Variants in RBFOX1 observed in about 807,000 individuals in gnomAD.
RBFOX1 encodes RNA binding protein fox-1 homolog 1.
A neutral mutation model predicts 57.7 loss-of-function variants in RBFOX1; 8 were observed. The observed-to-expected ratio is 0.14, with a 90% CI of 0.08 to 0.25. The LOEUF is 0.25. Ranked by LOEUF, RBFOX1 falls within the 10% of genes least tolerant of loss-of-function variation. The pLI is 1.00. For missense variants in RBFOX1, 611 were observed against 548.5 expected, an observed-to-expected ratio of 1.11 and a Z score of -1.14; for synonymous variants, 326 against 222.4, an observed-to-expected ratio of 1.47 and a Z score of -4.15.
chr16:7,287,257 A>G (rs980697785), intron 4 of RBFOX1, among the ~76,000 whole-genome samples: 1 of 152,202 alleles, frequency 6.6e-6, no homozygotes, highest in Non-Finnish European at 1.5e-5. Flanking sequence ...TCATAATAAA[A>G]ATAGAAATGA....
At chr16:6,234,666 TAAG>T (rs2097491391) in intron 1 of RBFOX1, among the ~76,000 whole-genome samples, 1 of 152,146 alleles carries the variant, frequency 6.6e-6, no homozygotes, top group South Asian at 2.1e-4. Context: ...ATTGTAAACT[TAAG>T]TAGGAATTTT....
At chr16:7,182,797 C>T (rs1223290589) in intron 4 of RBFOX1, among the ~76,000 whole-genome samples, 1 of 152,076 alleles carries the variant, frequency 6.6e-6, no homozygotes, top group Non-Finnish European at 1.5e-5. Context: ...GTACTAAATC[C>T]CTTAGAAATG....
chr16:7,586,413 C>A (rs1056240572), intron 6 of RBFOX1, among the ~76,000 whole-genome samples: 1 of 152,178 alleles, frequency 6.6e-6, no homozygotes, highest in Non-Finnish European at 1.5e-5. Context: ...GTACATTTCT[C>A]ACTGGGACTT....
At chr16:6,422,501 C>A (rs950183105) in intron 2 of RBFOX1, among the ~76,000 whole-genome samples, 5 of 152,050 alleles carry the variant, frequency 3.3e-5, no homozygotes, top group Admixed American at 2.6e-4. Context: ...AAAGAAATGC[C>A]TGAGACTGGG....
chr16:7,678,760 A>G (rs1178495310), intron 14 of RBFOX1, among the ~76,000 whole-genome samples: 2 of 152,180 alleles, frequency 1.3e-5, no homozygotes, highest in African/African-American at 4.8e-5. Flanking sequence ...TCATCTAAAC[A>G]TTTTTAAATT....
At chr16:7,264,564 A>C (rs2095055960) in intron 4 of RBFOX1, among the ~76,000 whole-genome samples, 1 of 152,244 alleles carries the variant, frequency 6.6e-6, no homozygotes, top group Admixed American at 6.5e-5. Flanking sequence ...TTGTGGCAGA[A>C]AGTGGCCACA....
chr16:6,468,635 A>G (rs2153076603), intron 2 of RBFOX1, among the ~76,000 whole-genome samples: 1 of 152,202 alleles, frequency 6.6e-6, no homozygotes, highest in East Asian at 1.9e-4. Flanking sequence ...TTGCCTTTGC[A>G]AAAACAAATA....
intron 1 of RBFOX1, among the ~76,000 whole-genome samples, chr16:6,069,152 A>T (rs1220218508): frequency 1.3e-5 from 2 of 152,150 alleles, no homozygotes. Context: ...TAATCCCAGC[A>T]CTTTGGGAGG....
chr16:6,609,221 T>C (rs555361990), intron 2 of RBFOX1, among the ~76,000 whole-genome samples: 5 of 152,342 alleles, frequency 3.3e-5, no homozygotes, highest in Admixed American at 2.6e-4. Context: ...ACAGCCACTT[T>C]ATAGATGGTT....
intron 3 of RBFOX1, among the ~76,000 whole-genome samples, chr16:6,885,238 C>T (rs1046394483): frequency 6.6e-6 from 1 of 152,136 alleles, no homozygotes; most frequent in East Asian, 1.9e-4. Context: ...CAGATGTGGT[C>T]TCCAGTCCAG....
intron 3 of RBFOX1, among the ~76,000 whole-genome samples, chr16:5,751,816 C>T (rs1567491775): frequency 6.6e-6 from 1 of 152,218 alleles, no homozygotes; most frequent in South Asian, 2.1e-4. Flanking sequence ...TTTTTTATTC[C>T]TTATTGGTGG....
intron 1 of RBFOX1, among the ~76,000 whole-genome samples, chr16:6,151,698 A>C (rs1271817664): frequency 6.6e-6 from 1 of 152,216 alleles, no homozygotes; most frequent in Non-Finnish European, 1.5e-5. Flanking sequence ...GGAGGTATTA[A>C]TGAGGCTACA....
At chr16:5,781,932 G>A (rs1221219630) in intron 3 of RBFOX1, among the ~76,000 whole-genome samples, 2 of 152,240 alleles carry the variant, frequency 1.3e-5, no homozygotes, top group African/African-American at 4.8e-5. Flanking sequence ...CAGGCCAGGC[G>A]TGGTGGTTCA....
At chr16:5,300,588 T>G (rs2063779917) in intron 1 of RBFOX1, among the ~76,000 whole-genome samples, 1 of 152,016 alleles carries the variant, frequency 6.6e-6, no homozygotes, top group South Asian at 2.1e-4. Context: ...ATATTATTTA[T>G]TTTTTAAAGA....
chr16:7,446,508 G>A (rs373305849), intron 4 of RBFOX1, among the ~76,000 whole-genome samples: 3 of 152,292 alleles, frequency 2.0e-5, no homozygotes, highest in African/African-American at 7.2e-5. Context: ...GAGGTTGGAA[G>A]AAGCAAGAAG....
chr16:7,567,229 C>CTATATA lies in RBFOX1; in HGVS notation c.271-12542_271-12537dup, dbSNP rs376595353. ...TATATAAATATCCATATATATATCC[C>CTATATA]TATATATATATCCATATATCCCTAT... On this transcript the variant is annotated intron_variant, in intron 5 of 15. Transcript: ENST00000550418. 1.5e-4 allele frequency among the ~76,000 whole-genome samples: 18 copies of CTATATA among 118,388 alleles called. No individual in the cohort carries two copies. The South Asian group carries it at 1.7e-3, about 11-fold the overall frequency. 77.7% of individuals were successfully genotyped at this position (118,388 alleles called of 152,430 possible). A position where few individuals can be genotyped will look rare whatever the true frequency, so the allele number is the denominator to read the frequency against.
chr16:7,209,051 T>A (rs1041574737), intron 4 of RBFOX1, among the ~76,000 whole-genome samples: 2 of 151,914 alleles, frequency 1.3e-5, no homozygotes, highest in African/African-American at 4.8e-5. Flanking sequence ...TCCCAGCACT[T>A]TGGGAGGCCG....
At chr16:5,941,256 G>A (rs1235882645) in intron 4 of RBFOX1, among the ~76,000 whole-genome samples, 1 of 152,146 alleles carries the variant, frequency 6.6e-6, no homozygotes, top group Non-Finnish European at 1.5e-5. Context: ...TTGGAAGGCT[G>A]AGGTAGGAGG....
intron 4 of RBFOX1, among the ~76,000 whole-genome samples, chr16:7,080,137 C>T (rs936792291): frequency 1.3e-5 from 2 of 149,274 alleles, no homozygotes; most frequent in African/African-American, 2.5e-5. Flanking sequence ...GTATACTTTA[C>T]TATATCAATA....
Sources: gnomAD v4.1 joint callset for allele counts (sites outside exome capture counted in the v4.1 genomes callset) on GRCh38, gnomAD v4.1.1 for gene constraint, MANE v1.5 for transcripts, NCBI Gene and HGNC (gene_info 2026-07-23, HGNC 2026-07-21) for gene names.